NXPH1: variants seen among roughly 807,000 people sequenced by gnomAD.
NXPH1 encodes neurexophilin-1.
Under a neutral mutation model 23.7 loss-of-function variants are expected in NXPH1, and 5 were observed. The observed-to-expected ratio is 0.21, with a 90% CI of 0.11 to 0.44. The LOEUF (loss-of-function observed/expected upper bound fraction) is 0.44, where lower values mean the gene tolerates loss of function less well. NXPH1 is among the 20% of genes least tolerant of loss of function. The probability of loss-of-function intolerance (pLI) is 0.99; values close to 1 mark genes in which losing one functional copy is unlikely to be tolerated. For synonymous variants in NXPH1, 144 were observed against 122.2 expected (o/e 1.18, Z -1.18); for missense variants, 324 against 321.6 (o/e 1.01, Z -0.06).
intron 2 of NXPH1, among the ~76,000 whole-genome samples, chr7:8,460,917 T>G (rs1315395743): frequency 6.6e-6 from 1 of 152,234 alleles, no homozygotes; most frequent in African/African-American, 2.4e-5. Flanking sequence ...TGAAAGTACC[T>G]GGCACTCACT....
chr7:8,503,084 C>T (rs1361520417), intron 2 of NXPH1, among the ~76,000 whole-genome samples: 1 of 152,048 alleles, frequency 6.6e-6, no homozygotes, highest in African/African-American at 2.4e-5. Context: ...GCTTTGCTTA[C>T]ACCAGCTGGC....
chr7:8,495,101 A>G (rs1051297961), intron 2 of NXPH1, among the ~76,000 whole-genome samples: 4 of 152,018 alleles, frequency 2.6e-5, no homozygotes, highest in African/African-American at 9.7e-5. Context: ...TAATAGGTAG[A>G]TAAGTAGATA....
intron 2 of NXPH1, among the ~76,000 whole-genome samples, chr7:8,661,993 A>G (rs1237493845): frequency 6.6e-6 from 1 of 152,104 alleles, no homozygotes; most frequent in Non-Finnish European, 1.5e-5. Flanking sequence ...AAATTAACAT[A>G]TAAAGTCTTT....
At chr7:8,568,846 C>A (rs1818596022) in intron 2 of NXPH1, among the ~76,000 whole-genome samples, 1 of 151,726 alleles carries the variant, frequency 6.6e-6, no homozygotes, top group African/African-American at 2.4e-5. Context: ...CAAGTCAGTA[C>A]TGAGTGCAGT....
At chr7:8,675,489 G>A (rs957980841) in intron 2 of NXPH1, among the ~76,000 whole-genome samples, 3 of 151,922 alleles carry the variant, frequency 2.0e-5, no homozygotes, top group Non-Finnish European at 2.9e-5. Flanking sequence ...TTGATGATGC[G>A]TTTATTCATT....
At chr7:8,676,289 C>A (rs1318565139) in intron 2 of NXPH1, among the ~76,000 whole-genome samples, 1 of 151,986 alleles carries the variant, frequency 6.6e-6, no homozygotes, top group Admixed American at 6.6e-5. Context: ...AAATTTTGTC[C>A]AAATAGTCTA....
chr7:8,713,512 T>TC (rs919776196), intron 2 of NXPH1, among the ~76,000 whole-genome samples: 5 of 152,242 alleles, frequency 3.3e-5, no homozygotes, highest in Non-Finnish European at 7.4e-5. Flanking sequence ...GCAGATTTTT[T>TC]TTTTTTTGCT....
At chr7:8,451,086 T>C (rs1030328609) in intron 2 of NXPH1, among the ~76,000 whole-genome samples, 30 of 150,504 alleles carry the variant, frequency 2.0e-4, no homozygotes, top group African/African-American at 7.4e-4. Flanking sequence ...AGAATATGCA[T>C]TTGAAAGATT....
chr7:8,448,941 G>C (rs1816456237), intron 2 of NXPH1, among the ~76,000 whole-genome samples: 1 of 152,074 alleles, frequency 6.6e-6, no homozygotes, highest in Non-Finnish European at 1.5e-5. Context: ...GAGAATCCTT[G>C]TGATGTTTTA....
At chr7:8,615,342 C>G (rs567791484) in intron 2 of NXPH1, among the ~76,000 whole-genome samples, 5 of 152,158 alleles carry the variant, frequency 3.3e-5, no homozygotes, top group African/African-American at 9.6e-5. Flanking sequence ...ATTAACCTCT[C>G]TGAGTACATT....
At chr7:8,587,085 G>A (rs1436063130) in intron 2 of NXPH1, among the ~76,000 whole-genome samples, 1 of 152,032 alleles carries the variant, frequency 6.6e-6, no homozygotes. Flanking sequence ...TCAAAATACA[G>A]TTAAGACTTT....
chr7:8,741,594 T>A (rs1342233543), intron 2 of NXPH1, among the ~76,000 whole-genome samples: 2 of 152,176 alleles, frequency 1.3e-5, no homozygotes, highest in African/African-American at 2.4e-5. Context: ...ATAATAGTTA[T>A]GCTGACAGGT....
At chr7:8,614,839 C>T (rs1819701134) in intron 2 of NXPH1, among the ~76,000 whole-genome samples, 1 of 151,972 alleles carries the variant, frequency 6.6e-6, no homozygotes, top group Admixed American at 6.6e-5. Flanking sequence ...CATTTTGTGG[C>T]AGTTATTGTT....
intron 2 of NXPH1, among the ~76,000 whole-genome samples, chr7:8,581,723 A>C (rs1818877049): frequency 1.3e-5 from 2 of 152,210 alleles, no homozygotes; most frequent in South Asian, 4.1e-4. Context: ...CCAGTGTGAT[A>C]GGAGCCAAAA....
intron 2 of NXPH1, among the ~76,000 whole-genome samples, chr7:8,533,561 A>G (rs1042165739): frequency 6.6e-6 from 1 of 152,170 alleles, no homozygotes; most frequent in Non-Finnish European, 1.5e-5. Flanking sequence ...TTGAAAATTT[A>G]GTATTGTTTA....
At chr7:8,537,343 T>G (rs1341087399) in intron 2 of NXPH1, among the ~76,000 whole-genome samples, 1 of 151,964 alleles carries the variant, frequency 6.6e-6, no homozygotes, top group Non-Finnish European at 1.5e-5. Context: ...TGAGACTGGG[T>G]AATTCATAAA....
chr7:8,565,803 A>T (rs1290843167), intron 2 of NXPH1, among the ~76,000 whole-genome samples: 1 of 151,826 alleles, frequency 6.6e-6, no homozygotes, highest in Non-Finnish European at 1.5e-5. Context: ...GCACAACTTT[A>T]CAGTGGGTTT....
rs10258652 is a variant in NXPH1 at position 8,621,612 on chromosome 7, C to T, written c.55-129396C>T. On this transcript the variant is annotated intron_variant, in intron 2 of 2. Coordinates refer to ENST00000405863, the MANE Select transcript of NXPH1 (RefSeq NM_152745.3). ...AAGCGATTCTCTTGCCTCAGCCTCCCGAGTAGCTGGGATTACAGGCGTCTG... is the reference window on the plus strand; with the variant it reads ...AAGCGATTCTCTTGCCTCAGCCTCCTGAGTAGCTGGGATTACAGGCGTCTG... Among the ~76,000 whole-genome samples the T allele has an allele frequency of 9.9e-3, 1,508 of 151,868 alleles. 27 individuals are homozygous for T. Among genetic ancestry groups the T allele is most frequent in the African/African-American group, 0.034 (1,423 of 41,412 alleles).
At chr7:8,531,626 G>C (rs180862286) in intron 2 of NXPH1, among the ~76,000 whole-genome samples, 262 of 152,254 alleles carry the variant, frequency 1.7e-3, no homozygotes, top group African/African-American at 6.2e-3. Flanking sequence ...CCACTGGAAT[G>C]TGACATCTAT....
Sources: gnomAD v4.1 joint callset for allele counts (sites outside exome capture counted in the v4.1 genomes callset) on GRCh38, gnomAD v4.1.1 for gene constraint, MANE v1.5 for transcripts, NCBI Gene and HGNC (gene_info 2026-07-23, HGNC 2026-07-21) for gene names.